The following HMCN2 variants were observed in gnomAD, a reference collection of about 807,000 sequenced individuals.
HMCN2 encodes the protein hemicentin-2.
HMCN2 carries 325 observed loss-of-function variants against 377.5 expected under a neutral mutation model. That is an observed-to-expected ratio of 0.86 (90% CI 0.79 to 0.94). HMCN2 has a LOEUF of 0.94. HMCN2 is among the 40% of genes least tolerant of loss of function. The pLI is 0.00. For synonymous variants in HMCN2, 2,007 were observed against 2,046.8 expected (o/e 0.98, Z 0.53); for missense variants, 4,543 against 4,725.3 (o/e 0.96, Z 1.13).
Position 130,307,454 on chromosome 9 carries a change from C to T in HMCN2, c.2088C>T (p.Asp696=), listed in dbSNP as rs1311299862. Residue 696 remains aspartate (D), a splice_region_variant and synonymous_variant, in exon 14 of 98, where the codon GAC becomes GAT. Coordinates refer to ENST00000683500, the MANE Select transcript of HMCN2 (RefSeq NM_001291815.2). Reference sequence around the variant, plus strand: ...ATTCTGCATCTCTTCCCCACACAGACCCACCGTCGGTCTCTGCTGTAAATG... The same window carrying T: ...ATTCTGCATCTCTTCCCCACACAGATCCACCGTCGGTCTCTGCTGTAAATG... ...DQETVTLYYT[D]PPSVSAVNAV... is the part of the protein sequence containing the mutation. The T allele has an allele frequency of 2.1e-6, 1 of 471,004 alleles. No individual in the cohort carries two copies. Among genetic ancestry groups the T allele is most frequent in the South Asian group, 1.5e-5 (1 of 64,546 alleles). 29.2% of individuals were successfully genotyped at this position (471,004 alleles called of 1,614,324 possible).
In HMCN2 at chr9:130,354,719, G is replaced by A. The variant is rs1839926983; in HGVS notation, c.4865-44G>A. On this transcript the variant is annotated intron_variant, in intron 31 of 97. Coordinates refer to ENST00000683500, the MANE Select transcript of HMCN2 (RefSeq NM_001291815.2). ...GTTGGGCTGAGATGAGAGCAGGCTA[G>A]CGTCCAGCTGTGGTCCCCAAGCCGC... 6 of 1,255,920 alleles carry A rather than the reference G, an allele frequency of 4.8e-6. No homozygotes were observed. In the African/African-American group the frequency reaches 7.7e-5, roughly 16 times the overall value. The allele number at this position is 1,255,920 out of a possible 1,614,324, so 77.8% of individuals were successfully genotyped here.
At chr9:130,386,547 C>G in intron 61 of HMCN2, 23 bp downstream of exon 61, 1 of 1,294,682 alleles carries the variant, frequency 7.7e-7, no homozygotes. Flanking sequence ...CCAGCCTAGC[C>G]AACGTGACTG....
chr9:130,370,584 T>C (rs1840966772), intron 45 of HMCN2, among the ~76,000 whole-genome samples: 1 of 152,228 alleles, frequency 6.6e-6, no homozygotes, highest in Non-Finnish European at 1.5e-5. Context: ...CGTTGCCACT[T>C]AGCTTCCACA....
At chr9:130,427,871 G>C (rs1463665712) in intron 92 of HMCN2, among the ~76,000 whole-genome samples, 3 of 152,190 alleles carry the variant, frequency 2.0e-5, no homozygotes, top group Non-Finnish European at 2.9e-5. Context: ...CATATGGGCG[G>C]CTACACATGC....
rs1564882917 is a variant in HMCN2 at position 130,424,832 on chromosome 9, A to G, written c.13438A>G (p.Arg4480Gly). Residue 4480 changes from arginine to glycine, a missense_variant, in exon 88 of 98, where the codon AGA (arginine) becomes GGA (glycine). Physicochemically the swap from Arg to Gly is moderately radical, Grantham distance 125 (BLOSUM62 -2). Coordinates refer to ENST00000683500, the MANE Select transcript of HMCN2 (RefSeq NM_001291815.2). Reference protein sequence around the residue: ...TIAPIYWALARESGEALNGHS... With the variant: ...TIAPIYWALAGESGEALNGHS... ...CGCCCCCATCTACTGGGCCCTGGCC[A>G]GAGAGAGTGGGGAAGCCCTGAATGG... The G allele has an allele frequency of 4.0e-6, 6 of 1,517,128 alleles. No homozygotes were observed. Among genetic ancestry groups the G allele is most frequent in the Non-Finnish European group, 5.3e-6 (6 of 1,128,230 alleles). 94.0% of individuals were successfully genotyped at this position (1,517,128 alleles called of 1,614,324 possible).
Position 130,418,943 on chromosome 9 carries a change from G to T in HMCN2, c.13133G>T (p.Trp4378Leu). The T allele has an allele frequency of 6.5e-7, 1 of 1,541,234 alleles. No individual in the cohort carries two copies. The highest frequency in any genetic ancestry group is 8.8e-7 in the Non-Finnish European group (1 of 1,142,082). ...CGGACCCTGCCCGATGGGAGCCTGTGGCTGGAGAACGTGGAGACTGGGGAT... is the reference window on the plus strand; with the variant it reads ...CGGACCCTGCCCGATGGGAGCCTGTTGCTGGAGAACGTGGAGACTGGGGAT... ...RLRTLPDGSL[W>L]LENVETGDAG... Residue 4378 changes from tryptophan to leucine, a missense_variant, in exon 86 of 98, where the codon TGG (tryptophan) becomes TTG (leucine). Physicochemically the swap from Trp to Leu is moderately conservative, Grantham distance 61. Coordinates refer to ENST00000683500, the MANE Select transcript of HMCN2 (RefSeq NM_001291815.2).
intron 40 of HMCN2, 62 bp from the exon 41 acceptor site, chr9:130,364,652 G>A (rs1564819660): frequency 3.3e-6 from 3 of 899,932 alleles, no homozygotes; most frequent in South Asian, 5.1e-5. Flanking sequence ...CCAGGGTGTG[G>A]CCCCTCCTTG....
rs925668591 is a variant in HMCN2, at chr9:130,346,587, C to T, written c.3830-579C>T. Reference sequence around the variant, plus strand: ...CAGGCTGAGCAGAATTGGGGCCTCCCACAGGCCCTAACCCCAGGGCACAAC... The same window carrying T: ...CAGGCTGAGCAGAATTGGGGCCTCCTACAGGCCCTAACCCCAGGGCACAAC... On this transcript the variant is annotated intron_variant, in intron 25 of 97. Transcript: ENST00000683500. Among the ~76,000 whole-genome samples the T allele has an allele frequency of 2.6e-5, 4 of 152,076 alleles. No homozygotes were observed. In the South Asian group the frequency reaches 6.2e-4, roughly 24 times the overall value.
In HMCN2 at chr9:130,350,370, TAAAAATACAA is replaced by T. The variant is rs1305656917; in HGVS notation, c.4430+723_4430+732del. ...CAACACAGCGAGACCCTGTCTCTGC[TAAAAATACAA>T]AAAAATACAAAAAAAAAAAAAAAAG... On this transcript the variant is annotated intron_variant, in intron 29 of 97. Transcript: ENST00000683500. 2.7e-3 allele frequency among the ~76,000 whole-genome samples: 86 copies of T among 31,540 alleles called. 7 individuals carry two copies. The highest frequency in any genetic ancestry group is 0.018 in the Admixed American group (35 of 1,914). 20.7% of individuals were successfully genotyped at this position (31,540 alleles called of 152,430 possible).
intron 1 of HMCN2, among the ~76,000 whole-genome samples, chr9:130,266,854 G>C (rs538271611): frequency 6.6e-6 from 1 of 152,264 alleles, no homozygotes; most frequent in Admixed American, 6.5e-5. Flanking sequence ...CCCTTGAAAG[G>C]GTCCCTGGGC....
chr9:130,318,878 T>C (rs1837700387), intron 15 of HMCN2, among the ~76,000 whole-genome samples: 1 of 152,054 alleles, frequency 6.6e-6, no homozygotes, highest in African/African-American at 2.4e-5. Flanking sequence ...GAGAAGAGGG[T>C]GAAGAAGACC....
Position 130,422,262 on chromosome 9 carries a change from C to T in HMCN2, c.13232-315C>T, listed in dbSNP as rs1374173965. Among the ~76,000 whole-genome samples, 1 of 152,246 alleles carries T rather than the reference C, an allele frequency of 6.6e-6. No homozygotes were observed. Among genetic ancestry groups the T allele is most frequent in the Non-Finnish European group, 1.5e-5 (1 of 68,048 alleles). On this transcript the variant is annotated intron_variant, in intron 86 of 97. Transcript: ENST00000683500. The surrounding 1 kb of genome is among the most constrained non-coding windows in gnomAD (Gnocchi z 4.2). ...CTGTGAGTTTGTGGTCCCGCCTCCT[C>T]ATTTTACAGGTGAGCCAACTCAGGT...
In HMCN2 at chr9:130,293,279, G is replaced by GTTTTTTTTTTTTTTTTTTTTTTTTTT. The variant is rs71387339; in HGVS notation, c.613-1555_613-1554insTTTTTTTTTTTTTTTTTTTTTTTTTT. 1.1e-3 allele frequency among the ~76,000 whole-genome samples: 61 copies of GTTTTTTTTTTTTTTTTTTTTTTTTTT among 57,118 alleles called. 10 individuals carry two copies. Among genetic ancestry groups the GTTTTTTTTTTTTTTTTTTTTTTTTTT allele is most frequent in the African/African-American group, 3.9e-3 (35 of 8,882 alleles). 37.5% of individuals were successfully genotyped at this position (57,118 alleles called of 152,430 possible). On this transcript the variant is annotated intron_variant, in intron 4 of 97. Coordinates refer to ENST00000683500, the MANE Select transcript of HMCN2 (RefSeq NM_001291815.2). ...TTCCAAATAAAATCTACTCACTAAAGTTTTTTTTTTTTTTTTTTTTTGCGG... is the reference window on the plus strand; with the variant it reads ...TTCCAAATAAAATCTACTCACTAAAGTTTTTTTTTTTTTTTTTTTTTTTTTTTTTTTTTTTTTTTTTTTTTTTGCGG...
Position 130,425,124 on chromosome 9 carries a change from A to C in HMCN2, c.13635A>C (p.Gln4545His), listed in dbSNP as rs1844251203. Residue 4545 changes from glutamine to histidine, a missense_variant, in exon 89 of 98, where the codon CAA (glutamine) becomes CAC (histidine). By Grantham distance (24) the Gln-to-His change is conservative. Around this residue, in one of 5 missense-constraint regions of HMCN2, gnomAD observed 1,155 missense variants for 1,157.7 expected, o/e 1.00. Transcript: ENST00000683500. Reference protein sequence around the residue: ...VPESLADADLQVQDFEEHYVQ... With the variant: ...VPESLADADLHVQDFEEHYVQ... The stretch of plus-strand genomic sequence containing the variant: ...AGAGCCTGGCTGACGCAGATCTTCA[A>C]GTGCAGGTCGGGGGTCAAGCCCTGG... The C allele has an allele frequency of 6.5e-7, 1 of 1,548,238 alleles. No homozygotes were observed. The highest frequency in any genetic ancestry group is 8.7e-7 in the Non-Finnish European group (1 of 1,146,010).
rs1192698392 is a variant in HMCN2, at chr9:130,433,608, T to A, written c.15155T>A (p.Leu5052His). ...CGTCGCGCGCTCACCCGCGCCGGCCTCTACCGGCTCACCGTGCGTGCTGCG... is the reference window on the plus strand; with the variant it reads ...CGTCGCGCGCTCACCCGCGCCGGCCACTACCGGCTCACCGTGCGTGCTGCG... Reference protein sequence around the residue: ...YTRRALTRAGLYRLTVRAAAP... With the variant: ...YTRRALTRAGHYRLTVRAAAP... Residue 5052 changes from leucine to histidine, a missense_variant, in exon 98 of 98, where the codon CTC becomes CAC. By Grantham distance (99) the Leu-to-His change is moderately conservative. Transcript: ENST00000683500. 3 of 1,517,114 alleles carry A rather than the reference T, an allele frequency of 2.0e-6. No individual in the cohort carries two copies. The African/African-American group carries it at 4.4e-5, about 22-fold the overall frequency. 94.0% of individuals were successfully genotyped at this position (1,517,114 alleles called of 1,614,324 possible). A position where few individuals can be genotyped will look rare whatever the true frequency, so the allele number is the denominator to read the frequency against.
intron 86 of HMCN2, chr9:130,419,514 G>A (rs1221397064): frequency 6.5e-6 from 1 of 154,220 alleles, no homozygotes; most frequent in Non-Finnish European, 1.4e-5. Context: ...TCTACCTTGG[G>A]TCAGACCAAC....
intron 4 of HMCN2, among the ~76,000 whole-genome samples, chr9:130,286,721 C>G (rs1407178586): frequency 6.6e-6 from 1 of 152,212 alleles, no homozygotes; most frequent in Non-Finnish European, 1.5e-5. Context: ...AGGGAACCTG[C>G]GGTGGGTGGA....
intron 22 of HMCN2, among the ~76,000 whole-genome samples, chr9:130,329,189 G>A (rs1195207319): frequency 6.6e-6 from 1 of 152,176 alleles, no homozygotes; most frequent in Non-Finnish European, 1.5e-5. Flanking sequence ...GCCCCTGACA[G>A]CCACTGATCT....
intron 28 of HMCN2, 97 bp from the exon 29 acceptor site, chr9:130,349,440 G>T: frequency 8.2e-7 from 1 of 1,214,744 alleles, no homozygotes; most frequent in Non-Finnish European, 1.1e-6. Context: ...TAGGAGGGGG[G>T]CCCAGGCTGG....
Sources: allele counts gnomAD v4.1 joint callset (sites outside exome capture counted in the v4.1 genomes callset), GRCh38; gene constraint gnomAD v4.1.1; regional missense constraint gnomAD v4.1.1; non-coding constraint Gnocchi (gnomAD v3.1); transcripts MANE v1.5; gene names NCBI Gene and HGNC (gene_info 2026-07-23, HGNC 2026-07-21).